Variants in GLG1 observed in about 807,000 individuals in gnomAD.
GLG1 encodes the protein Golgi apparatus protein 1.
In GLG1, 38 loss-of-function variants were observed where a neutral mutation model predicts 160.5. That is an observed-to-expected ratio of 0.24 (90% CI 0.18 to 0.31). The LOEUF (loss-of-function observed/expected upper bound fraction) is 0.31, where lower values mean the gene tolerates loss of function less well. GLG1 is among the 10% of genes least tolerant of loss of function. The pLI, the probability that GLG1 is intolerant of heterozygous loss-of-function variation, is 1.00. For missense variants in GLG1, 1,373 were observed against 1,505.2 expected (o/e 0.91, Z 1.45); for synonymous variants, 644 against 543.4 (o/e 1.19, Z -2.57).
At position 74,452,067 on chromosome 16, in the gene GLG1, T is replaced by C. The variant is rs140976108; in HGVS notation, c.*1100A>G. 89 of 1,612,066 alleles carry C rather than the reference T, an allele frequency of 5.5e-5. No individual in the cohort carries two copies. In the African/African-American group the frequency reaches 1.1e-3, roughly 20 times the overall value. ...AGTGTGCAGAAAGGTCAGGCTGGAC[T>C]GCCTGTCACATCCTGAGACCACACT... On this transcript the variant is annotated 3_prime_UTR_variant, in exon 26 of 26. Coordinates refer to ENST00000422840, the MANE Select transcript of GLG1 (RefSeq NM_001145667.2).
intron 3 of GLG1, among the ~76,000 whole-genome samples, chr16:74,505,370 G>C (rs996549076): frequency 3.9e-5 from 6 of 152,220 alleles, no homozygotes; most frequent in African/African-American, 1.4e-4. Context: ...ATTTTCAACA[G>C]TCAAGATGAA....
At chr16:74,568,402 CAGAA>C in intron 1 of GLG1, among the ~76,000 whole-genome samples, 1 of 30,856 alleles carries the variant, frequency 3.2e-5, no homozygotes, top group Non-Finnish European at 5.1e-5. Flanking sequence ...AAAGAAGTAT[CAGAA>C]TAATTTTACT....
chr16:74,542,714 A>G (rs982933993), intron 1 of GLG1, among the ~76,000 whole-genome samples: 4 of 14,662 alleles, frequency 2.7e-4, no homozygotes, highest in East Asian at 4.1e-3. Flanking sequence ...GGAAGGGAAG[A>G]AGGGAAGGAA....
In GLG1 at chr16:74,501,853, G is replaced by A. The variant is rs559866231; in HGVS notation, c.774+1678C>T. ...AGTCTGCTGGGAAGGAAAACACTGC[G>A]TTCTTTATTAAAGCTGTCCTTTCTT... On this transcript the variant is annotated intron_variant, in intron 4 of 25. Transcript: ENST00000422840. 3.3e-5 allele frequency among the ~76,000 whole-genome samples: 5 copies of A among 152,298 alleles called. No individual in the cohort carries two copies. In the South Asian group the frequency reaches 6.2e-4, roughly 19 times the overall value.
chr16:74,486,041 A>G (rs904896784), intron 8 of GLG1, 124 bp from the exon 9 acceptor site: 2 of 676,184 alleles, frequency 3.0e-6, no homozygotes, highest in African/African-American at 1.8e-5. Flanking sequence ...AGTTGTCTAC[A>G]GTTGTCACTA....
At chr16:74,514,136 T>C (rs1038878974) in intron 2 of GLG1, among the ~76,000 whole-genome samples, 6 of 152,108 alleles carry the variant, frequency 3.9e-5, no homozygotes, top group African/African-American at 7.2e-5. Context: ...AATATGGCAC[T>C]ATGTGAAAAG....
chr16:74,568,301 G>A (rs1238029558), intron 1 of GLG1, among the ~76,000 whole-genome samples: 1 of 152,116 alleles, frequency 6.6e-6, no homozygotes, highest in Non-Finnish European at 1.5e-5. Flanking sequence ...AGTTTGGAAA[G>A]GACTTCCTAT....
chr16:74,549,663 G>A (rs1352240321), intron 1 of GLG1, among the ~76,000 whole-genome samples: 1 of 152,014 alleles, frequency 6.6e-6, no homozygotes, highest in African/African-American at 2.4e-5. Context: ...AGTATGACTA[G>A]ACAAAGCTGG....
intron 4 of GLG1, among the ~76,000 whole-genome samples, chr16:74,500,725 T>C (rs911660633): frequency 2.6e-5 from 4 of 152,182 alleles, no homozygotes; most frequent in Non-Finnish European, 4.4e-5. Context: ...AAAGTACTAA[T>C]ACTGTGGCAC....
intron 1 of GLG1, among the ~76,000 whole-genome samples, chr16:74,575,723 G>A (rs1437343043): frequency 5.9e-5 from 9 of 152,096 alleles, no homozygotes; most frequent in Non-Finnish European, 1.3e-4. Context: ...CTCAGCTTCC[G>A]CAGTAGCTCG....
intron 11 of GLG1, among the ~76,000 whole-genome samples, chr16:74,479,051 C>A (rs1445075208): frequency 6.3e-4 from 11 of 17,572 alleles, no homozygotes; most frequent in African/African-American, 1.2e-3. Flanking sequence ...ATTAAAAATC[C>A]AAAAAAAAAA....
chr16:74,554,449 A>G (rs1353906792), intron 1 of GLG1, among the ~76,000 whole-genome samples: 1 of 152,148 alleles, frequency 6.6e-6, no homozygotes, highest in African/African-American at 2.4e-5. Flanking sequence ...CAGGACAATC[A>G]CTTCATCCCA....
intron 1 of GLG1, among the ~76,000 whole-genome samples, chr16:74,537,404 C>G (rs1226616500): frequency 4.0e-5 from 6 of 151,452 alleles, no homozygotes; most frequent in Non-Finnish European, 8.8e-5. Flanking sequence ...AAAAAAGAAC[C>G]CTGCCACTTT....
intron 1 of GLG1, among the ~76,000 whole-genome samples, chr16:74,564,527 A>G (rs2018597204): frequency 6.6e-6 from 1 of 152,204 alleles, no homozygotes. Flanking sequence ...TTCAGCAGGA[A>G]TGATAAACAC....
intron 1 of GLG1, among the ~76,000 whole-genome samples, chr16:74,567,966 C>T (rs1436034931): frequency 6.6e-6 from 1 of 152,196 alleles, no homozygotes; most frequent in African/African-American, 2.4e-5. Flanking sequence ...CCAGGTCGGG[C>T]CTCATTCCTG....
chr16:74,459,936 AC>A (rs2143162014), intron 22 of GLG1, 147 bp from the exon 23 acceptor site: 1 of 492,776 alleles, frequency 2.0e-6, no homozygotes, highest in East Asian at 3.5e-5. Flanking sequence ...GCTCACTGCA[AC>A]CTCTGCCTCC....
Position 74,505,933 on chromosome 16 carries a change from G to C in GLG1, c.559-2187C>G, listed in dbSNP as rs534633500. Reference sequence around the variant, plus strand: ...TAGTCCCAGCTACTTGGGAGGCTGAGGCAGGAGAATTGCTTGAACCCAGGA... The same window carrying C: ...TAGTCCCAGCTACTTGGGAGGCTGACGCAGGAGAATTGCTTGAACCCAGGA... On this transcript the variant is annotated intron_variant, in intron 3 of 25. Coordinates refer to ENST00000422840, the MANE Select transcript of GLG1 (RefSeq NM_001145667.2). Among the ~76,000 whole-genome samples, 174 of 151,716 alleles carry C rather than the reference G, an allele frequency of 1.1e-3. 1 individual carries two copies. Among genetic ancestry groups the C allele is most frequent in the African/African-American group, 4.1e-3 (171 of 41,392 alleles).
intron 8 of GLG1, among the ~76,000 whole-genome samples, chr16:74,489,019 G>A (rs1383909644): frequency 1.3e-5 from 2 of 152,182 alleles, no homozygotes; most frequent in East Asian, 3.8e-4. Flanking sequence ...ACAGGGTGAT[G>A]TGGGAAGTAC....
chr16:74,586,637 G>T (rs575014429), intron 1 of GLG1, among the ~76,000 whole-genome samples: 2 of 152,018 alleles, frequency 1.3e-5, no homozygotes, highest in South Asian at 4.1e-4. Flanking sequence ...ACCACGCCTG[G>T]CTAATTTTTT....
Sources: gnomAD v4.1 joint callset for allele counts (sites outside exome capture counted in the v4.1 genomes callset) on GRCh38, gnomAD v4.1.1 for gene constraint, MANE v1.5 for transcripts, NCBI Gene and HGNC (gene_info 2026-07-23, HGNC 2026-07-21) for gene names.